The following SNURF variants were observed in gnomAD, a reference collection of about 807,000 sequenced individuals.
SNURF encodes the protein SNRPN upstream open reading frame, also known as SNURF protein.
In SNURF, 6 loss-of-function variants were observed where a neutral mutation model predicts 11.6. The observed-to-expected ratio is 0.52, with a 90% CI of 0.28 to 1.02. The LOEUF (loss-of-function observed/expected upper bound fraction) is 1.02, where lower values mean the gene tolerates loss of function less well. Ranked by LOEUF, SNURF falls within the 50% of genes least tolerant of loss-of-function variation. The pLI, the probability that SNURF is intolerant of heterozygous loss-of-function variation, is 0.09. For missense variants in SNURF, 84 were observed against 88.4 expected (o/e 0.95, Z 0.20); for synonymous variants, 29 against 31.6 (o/e 0.92, Z 0.27).
At chr15:24,969,611 T>C (rs555031683), downstream of SNURF, among the ~76,000 whole-genome samples, 1 of 151,012 alleles carries the variant, frequency 6.6e-6, no homozygotes, top group Non-Finnish European at 1.5e-5. Context: ...TTTTTTACTT[T>C]TTAGGAATTT....
At chr15:24,956,656 C>T (rs1042573422) in intron 1 of SNURF, among the ~76,000 whole-genome samples, 2 of 152,228 alleles carry the variant, frequency 1.3e-5, no homozygotes, top group African/African-American at 4.8e-5. Context: ...TCCCCTTCAC[C>T]TGGCTGATAC....
At chr15:24,959,758 A>G (rs913406774) in intron 1 of SNURF, among the ~76,000 whole-genome samples, 1 of 152,050 alleles carries the variant, frequency 6.6e-6, no homozygotes, top group Non-Finnish European at 1.5e-5. Context: ...GATATATCAT[A>G]TTTTCTTCAT....
exon 3 of SNURF, chr15:24,968,061 T>C (rs369310410): frequency 5.5e-5 from 88 of 1,606,446 alleles, no homozygotes; most frequent in Non-Finnish European, 6.7e-5. Context: ...TAGCGAGGAA[T>C]CTGATTCCAA....
chr15:24,977,978 T>G (rs955033772), downstream of SNURF: 6 of 1,447,294 alleles, frequency 4.1e-6, no homozygotes, highest in Non-Finnish European at 5.6e-6. Context: ...CTTACTGATT[T>G]AAGACACAGC....
downstream of SNURF, chr15:24,978,129 G>T: frequency 6.5e-7 from 1 of 1,533,248 alleles, no homozygotes; most frequent in Non-Finnish European, 9.0e-7. Context: ...GGATTATTTG[G>T]GCTAAATTCT....
intron 5 of SNURF, chr15:24,976,843 G>T: frequency 6.3e-7 from 1 of 1,591,890 alleles, no homozygotes; most frequent in South Asian, 1.1e-5. Context: ...CTTGTAAATT[G>T]TTTGATTTTA....
chr15:24,955,066 AGCTGTGCC>A lies in SNURF; in HGVS notation c.14+6_14+13del. ...GTGACGCGATGGAGCGGGCAAGGTC[AGCTGTGCC>A]GGTGGCTTCTCTCAAGAGACAGCCT... On this transcript the variant is annotated splice_donor_5th_base_variant and intron_variant, in intron 1 of 2. Transcript: ENST00000577949. 1 of 1,613,558 alleles carries A rather than the reference AGCTGTGCC, an allele frequency of 6.2e-7. No individual in the cohort carries two copies. The highest frequency in any genetic ancestry group is 1.1e-5 in the South Asian group (1 of 91,036).
intron 3 of SNURF, chr15:24,974,496 A>T (rs1596330901): frequency 6.2e-7 from 1 of 1,602,768 alleles, no homozygotes; most frequent in Non-Finnish European, 8.5e-7. Flanking sequence ...AATGTGCTGT[A>T]AGGGCCGAAA....
intron 1 of SNURF, among the ~76,000 whole-genome samples, chr15:24,960,758 TAC>T (rs1596216720): frequency 6.6e-6 from 1 of 152,176 alleles, no homozygotes; most frequent in East Asian, 1.9e-4. Flanking sequence ...GAGAGTTCCT[TAC>T]ATATTCTGGA....
At chr15:24,959,067 T>A (rs1053312545) in intron 1 of SNURF, among the ~76,000 whole-genome samples, 1 of 152,158 alleles carries the variant, frequency 6.6e-6, no homozygotes, top group Non-Finnish European at 1.5e-5. Flanking sequence ...TTATGGAAAA[T>A]TTAGGCCGTA....
chr15:24,955,079 G>A lies in SNURF; in HGVS notation c.14+17G>A. ...GCGGGCAAGGTCAGCTGTGCCGGTG[G>A]CTTCTCTCAAGAGACAGCCTGGGGA... On this transcript the variant is annotated intron_variant, in intron 1 of 2. Coordinates refer to ENST00000577949, the Ensembl canonical transcript of SNURF. The A allele has an allele frequency of 6.2e-7, 1 of 1,613,562 alleles. No homozygotes were observed. The highest frequency in any genetic ancestry group is 8.5e-7 in the Non-Finnish European group (1 of 1,180,014).
chr15:24,974,377 T>G, intron 3 of SNURF: 1 of 1,399,656 alleles, frequency 7.1e-7, no homozygotes. Context: ...CGTCATACCT[T>G]TATCTATAGC....
downstream of SNURF, chr15:24,978,373 C>G: frequency 3.1e-6 from 5 of 1,613,906 alleles, no homozygotes; most frequent in Non-Finnish European, 4.2e-6. Context: ...ATATGTGTAT[C>G]CTCTTTTTCT....
At chr15:24,978,567 G>C (rs968773585), downstream of SNURF, 18 of 906,754 alleles carry the variant, frequency 2.0e-5, no homozygotes, top group African/African-American at 2.8e-4. Flanking sequence ...TAAATGCATA[G>C]AGCAATTAAA....
At chr15:24,978,591 TTG>T (rs2077324210), downstream of SNURF, 4 of 762,682 alleles carry the variant, frequency 5.2e-6, no homozygotes, top group South Asian at 6.5e-5. Flanking sequence ...TGAGGTACTG[TTG>T]TATATATTTT....
downstream of SNURF, among the ~76,000 whole-genome samples, chr15:24,971,340 C>T (rs1189696138): frequency 6.6e-6 from 1 of 152,110 alleles, no homozygotes; most frequent in Non-Finnish European, 1.5e-5. Flanking sequence ...ATAAATTTGA[C>T]CACTCTGCAG....
chr15:24,970,575 A>G (rs187149014), downstream of SNURF, among the ~76,000 whole-genome samples: 5 of 152,250 alleles, frequency 3.3e-5, no homozygotes, highest in East Asian at 1.9e-4. Flanking sequence ...CAAGACTTCT[A>G]TCTCAAAAAA....
At chr15:24,969,149 G>T (rs1318717858), downstream of SNURF, among the ~76,000 whole-genome samples, 2 of 151,996 alleles carry the variant, frequency 1.3e-5, no homozygotes, top group Non-Finnish European at 2.9e-5. Context: ...TTTATTTAGA[G>T]ATGAAGTTTC....
At chr15:24,959,755 C>T (rs2074466422) in intron 1 of SNURF, among the ~76,000 whole-genome samples, 1 of 152,060 alleles carries the variant, frequency 6.6e-6, no homozygotes, top group South Asian at 2.1e-4. Flanking sequence ...TTGGATATAT[C>T]ATATTTTCTT....
Sources: gnomAD v4.1 joint callset for allele counts (sites outside exome capture counted in the v4.1 genomes callset) on GRCh38, gnomAD v4.1.1 for gene constraint, MANE v1.5 for transcripts, NCBI Gene and HGNC (gene_info 2026-07-23, HGNC 2026-07-21) for gene names.